CNTN6: variants seen among roughly 807,000 people sequenced by gnomAD.
The protein encoded by CNTN6 is contactin 6.
A neutral mutation model predicts 122.8 loss-of-function variants in CNTN6; 137 were observed. That is an observed-to-expected ratio of 1.12 (90% CI 0.97 to 1.29). The LOEUF (loss-of-function observed/expected upper bound fraction) is 1.29. Among genes scored for constraint, CNTN6 ranks in the 50% most tolerant of loss-of-function variants. The pLI is 0.00. For missense variants in CNTN6, 1,634 were observed against 1,223.4 expected (o/e 1.34, Z -5.01); for synonymous variants, 570 against 426.0 (o/e 1.34, Z -4.16).
At chr3:1,329,470 A>T (rs1701992844) in intron 10 of CNTN6, among the ~76,000 whole-genome samples, 1 of 151,796 alleles carries the variant, frequency 6.6e-6, no homozygotes, top group Admixed American at 6.6e-5. Context: ...ACCACCAACA[A>T]AACAAAAATA....
chr3:1,266,055 C>G (rs937445351), intron 4 of CNTN6, among the ~76,000 whole-genome samples: 2 of 151,924 alleles, frequency 1.3e-5, no homozygotes, highest in Non-Finnish European at 2.9e-5. Context: ...GTGCGTCACC[C>G]ATACAACCAG....
intron 12 of CNTN6, among the ~76,000 whole-genome samples, chr3:1,366,369 T>C (rs542006821): frequency 5.5e-4 from 83 of 152,280 alleles, no homozygotes; most frequent in African/African-American, 1.9e-3. Context: ...ATCTCACCGA[T>C]CCATAAATAC....
chr3:1,159,830 C>T (rs1186800273), intron 2 of CNTN6, among the ~76,000 whole-genome samples: 1 of 146,790 alleles, frequency 6.8e-6, no homozygotes, highest in African/African-American at 2.7e-5. Context: ...TTTTCTTTTT[C>T]CCCCCCTCAA....
chr3:1,298,033 AT>A (rs769388520), intron 7 of CNTN6, 42 bp downstream of exon 7: 304 of 1,418,700 alleles, frequency 2.1e-4, no homozygotes, highest in Middle Eastern at 3.9e-4. Context: ...GGTTGCATTA[AT>A]TTTTTTTTAT....
chr3:1,335,085 G>A (rs1330505787), intron 11 of CNTN6, among the ~76,000 whole-genome samples: 1 of 152,052 alleles, frequency 6.6e-6, no homozygotes, highest in South Asian at 2.1e-4. Context: ...AAAGATCTGG[G>A]TTAAAGTCCC....
chr3:1,198,551 G>C (rs1004710516), intron 2 of CNTN6, among the ~76,000 whole-genome samples: 1 of 151,828 alleles, frequency 6.6e-6, no homozygotes, highest in Non-Finnish European at 1.5e-5. Context: ...GGTGAAACCC[G>C]ATCTCTACTA....
intron 5 of CNTN6, among the ~76,000 whole-genome samples, chr3:1,292,433 C>G (rs1389993634): frequency 6.6e-6 from 1 of 152,038 alleles, no homozygotes; most frequent in Non-Finnish European, 1.5e-5. Context: ...GTGCTCCGAA[C>G]AAAATATTTC....
intron 1 of CNTN6, among the ~76,000 whole-genome samples, chr3:1,121,661 GA>G (rs1328510097): frequency 6.6e-6 from 1 of 151,440 alleles, no homozygotes; most frequent in Non-Finnish European, 1.5e-5. Context: ...GATTTTTTTT[GA>G]AACATATAAG....
intron 8 of CNTN6, among the ~76,000 whole-genome samples, chr3:1,324,757 T>C (rs1454937337): frequency 6.7e-6 from 1 of 149,682 alleles, no homozygotes; most frequent in Non-Finnish European, 1.5e-5. Flanking sequence ...TCCCTTGGGC[T>C]AACATTCTCA....
rs999742702 is a variant in CNTN6, at chr3:1,239,337, T to G, written c.358+11344T>G. On this transcript the variant is annotated intron_variant, in intron 4 of 22. Transcript: ENST00000446702. ...TCACCAAAGTTTCCAGATACAAAAT[T>G]AAAGTACACAAATCGGTAGCTCTGC... 2.6e-5 allele frequency among the ~76,000 whole-genome samples: 4 copies of G among 152,050 alleles called. No individual in the cohort carries two copies. In the East Asian group the frequency reaches 5.8e-4, roughly 22 times the overall value.
At chr3:1,335,819 A>G (rs764709505) in intron 11 of CNTN6, among the ~76,000 whole-genome samples, 4 of 152,130 alleles carry the variant, frequency 2.6e-5, no homozygotes, top group Non-Finnish European at 5.9e-5. Flanking sequence ...GCTTGAGTTC[A>G]GGAGTTCGAG....
intron 5 of CNTN6, among the ~76,000 whole-genome samples, chr3:1,291,566 C>G (rs1695333752): frequency 6.6e-6 from 1 of 152,064 alleles, no homozygotes; most frequent in South Asian, 2.1e-4. Context: ...GAGACATGGC[C>G]CTGGGAATTT....
intron 2 of CNTN6, among the ~76,000 whole-genome samples, chr3:1,217,843 T>G (rs2094149510): frequency 6.6e-6 from 1 of 152,196 alleles, no homozygotes; most frequent in Non-Finnish European, 1.5e-5. Context: ...TTCAGTGCCT[T>G]TAACTCAACA....
chr3:1,325,268 C>T (rs1272376811), intron 8 of CNTN6, among the ~76,000 whole-genome samples: 2 of 151,756 alleles, frequency 1.3e-5, no homozygotes, highest in Non-Finnish European at 2.9e-5. Context: ...AAATGTTCAC[C>T]ATTCCTTGTC....
chr3:1,275,815 C>A (rs192957537), intron 4 of CNTN6, among the ~76,000 whole-genome samples: 31 of 152,220 alleles, frequency 2.0e-4, no homozygotes, highest in African/African-American at 7.2e-4. Flanking sequence ...GGGGGCAGAG[C>A]TCAGGAGGTA....
At chr3:1,320,884 T>A (rs577529956) in intron 7 of CNTN6, among the ~76,000 whole-genome samples, 2 of 151,746 alleles carry the variant, frequency 1.3e-5, no homozygotes, top group Non-Finnish European at 2.9e-5. Flanking sequence ...GATACCCATA[T>A]TAGACTAAAA....
At chr3:1,374,975 G>C (rs1709650842) in intron 16 of CNTN6, among the ~76,000 whole-genome samples, 1 of 152,054 alleles carries the variant, frequency 6.6e-6, no homozygotes, top group Admixed American at 6.6e-5. Flanking sequence ...TTACAGAAGA[G>C]GAAAATGAAC....
At chr3:1,301,580 G>A (rs1398634142) in intron 7 of CNTN6, among the ~76,000 whole-genome samples, 2 of 152,032 alleles carry the variant, frequency 1.3e-5, no homozygotes, top group Admixed American at 1.3e-4. Flanking sequence ...AATTGTCAAG[G>A]AAATTCTTGA....
At chr3:1,211,209 C>A (rs560075261) in intron 2 of CNTN6, among the ~76,000 whole-genome samples, 1 of 152,332 alleles carries the variant, frequency 6.6e-6, no homozygotes, top group South Asian at 2.1e-4. Flanking sequence ...ACAGAAAGAT[C>A]TCAGGTACTT....
Sources: gnomAD v4.1 joint callset for allele counts (sites outside exome capture counted in the v4.1 genomes callset) on GRCh38, gnomAD v4.1.1 for gene constraint, MANE v1.5 for transcripts, NCBI Gene and HGNC (gene_info 2026-07-23, HGNC 2026-07-21) for gene names.